The following PKIG variants were observed in gnomAD, a reference collection of about 807,000 sequenced individuals.
The protein encoded by PKIG is protein kinase (cAMP-dependent, catalytic) inhibitor gamma.
A neutral mutation model predicts 6.8 loss-of-function variants in PKIG; 1 was observed. The ratio of observed to expected loss-of-function variants is 0.15; its 90% CI spans 0.05 to 0.69. The LOEUF is 0.69. PKIG is among the 30% of genes least tolerant of loss of function. PKIG has a pLI of 0.82. For synonymous variants in PKIG, 39 were observed against 43.0 expected, an observed-to-expected ratio of 0.91 and a Z score of 0.36; for missense variants, 77 against 104.0, an observed-to-expected ratio of 0.74 and a Z score of 1.13.
chr20:44,562,846 G>A (rs2123252069), intron 1 of PKIG, among the ~76,000 whole-genome samples: 1 of 152,154 alleles, frequency 6.6e-6, no homozygotes, highest in East Asian at 1.9e-4. Flanking sequence ...ATCACCTAAG[G>A]TCAGAAGTTC....
At chr20:44,558,897 GCGTGCCA>G in intron 1 of PKIG, among the ~76,000 whole-genome samples, 1 of 152,014 alleles carries the variant, frequency 6.6e-6, no homozygotes, top group Admixed American at 6.6e-5. Context: ...GACTATAAAT[GCGTGCCA>G]CTGTGCCCAG....
At chr20:44,617,057 C>G (rs2065271611) in intron 3 of PKIG, among the ~76,000 whole-genome samples, 1 of 152,222 alleles carries the variant, frequency 6.6e-6, no homozygotes, top group Admixed American at 6.5e-5. Context: ...CCAGGCAAAT[C>G]AGCTCACCTC....
chr20:44,568,488 A>G (rs2064828503), intron 1 of PKIG, among the ~76,000 whole-genome samples: 1 of 150,646 alleles, frequency 6.6e-6, no homozygotes, highest in Non-Finnish European at 1.5e-5. Flanking sequence ...TTTTTTTGAG[A>G]CAAAGTCTTA....
chr20:44,550,052 G>A (rs2064653926), intron 1 of PKIG, among the ~76,000 whole-genome samples: 1 of 150,168 alleles, frequency 6.7e-6, no homozygotes, highest in Non-Finnish European at 1.5e-5. Flanking sequence ...TAGCACCTGA[G>A]GTATACCTTA....
chr20:44,546,835 T>C (rs2064619613), intron 1 of PKIG, among the ~76,000 whole-genome samples: 2 of 152,188 alleles, frequency 1.3e-5, no homozygotes, highest in African/African-American at 4.8e-5. Context: ...ATTACAGATA[T>C]GAGCCACTGC....
intron 1 of PKIG, among the ~76,000 whole-genome samples, chr20:44,588,136 T>A (rs1356255297): frequency 6.6e-6 from 1 of 152,232 alleles, no homozygotes; most frequent in Non-Finnish European, 1.5e-5. Context: ...GAGCCTTCAA[T>A]AAATTTTTCA....
chr20:44,544,400 C>T (rs572552589), intron 1 of PKIG, among the ~76,000 whole-genome samples: 4 of 152,174 alleles, frequency 2.6e-5, no homozygotes, highest in African/African-American at 7.2e-5. Flanking sequence ...TTAAAGAAGA[C>T]AGGTTATTTT....
intron 1 of PKIG, among the ~76,000 whole-genome samples, chr20:44,559,121 ATAAT>A (rs1368655577): frequency 6.6e-6 from 1 of 152,322 alleles, no homozygotes; most frequent in South Asian, 2.1e-4. Flanking sequence ...CTTTTAAAAA[ATAAT>A]TAAAGTTTTT....
At position 44,544,541 on chromosome 20, in the gene PKIG, A is replaced by G. The variant is rs187938840; in HGVS notation, c.-241+12563A>G. Among the ~76,000 whole-genome samples the G allele has an allele frequency of 1.1e-4, 17 of 152,276 alleles. No homozygotes were observed. In the East Asian group the frequency reaches 2.7e-3, roughly 24 times the overall value. On this transcript the variant is annotated intron_variant, in intron 1 of 4. Transcript: ENST00000372887. ...CTTATCACACAGCTTGCAGTCACCA[A>G]GTGGTCGCACGTGTTGGCTCTGGCT...
intron 2 of PKIG, chr20:44,598,635 C>G (rs1394015880): frequency 6.6e-6 from 1 of 152,248 alleles, no homozygotes; most frequent in Non-Finnish European, 1.5e-5. Context: ...GACTGCCACT[C>G]TCTGGGAACC....
chr20:44,563,114 A>T (rs988796088), intron 1 of PKIG, among the ~76,000 whole-genome samples: 7 of 152,220 alleles, frequency 4.6e-5, no homozygotes, highest in African/African-American at 1.7e-4. Flanking sequence ...CTACTAGCCC[A>T]TCACTAGGAG....
intron 1 of PKIG, among the ~76,000 whole-genome samples, chr20:44,536,825 T>G (rs2064516445): frequency 6.6e-6 from 1 of 152,250 alleles, no homozygotes; most frequent in South Asian, 2.1e-4. Flanking sequence ...TAATTTCCTT[T>G]TATTTGAGAT....
upstream of PKIG, among the ~76,000 whole-genome samples, chr20:44,582,085 C>T (rs1189112098): frequency 3.9e-5 from 6 of 152,240 alleles, 1 homozygote; most frequent in South Asian, 1.2e-3. Context: ...CATCACCTCC[C>T]CTACATGAAG....
chr20:44,582,140 G>A (rs77590060), upstream of PKIG, among the ~76,000 whole-genome samples: 137 of 152,276 alleles, frequency 9.0e-4, no homozygotes, highest in African/African-American at 3.2e-3. Flanking sequence ...GGAGACCTGG[G>A]AGAAATGAAA....
chr20:44,606,674 T>C (rs1350993673), intron 2 of PKIG, among the ~76,000 whole-genome samples: 5 of 152,190 alleles, frequency 3.3e-5, no homozygotes, highest in African/African-American at 4.8e-5. Context: ...CTGGGCGTGG[T>C]GGTGCACACC....
intron 1 of PKIG, among the ~76,000 whole-genome samples, chr20:44,573,182 TC>T (rs925752748): frequency 6.6e-6 from 1 of 152,122 alleles, no homozygotes; most frequent in African/African-American, 2.4e-5. Flanking sequence ...ATTTCAAGAG[TC>T]CCTTTGAGGA....
At chr20:44,595,220 C>T (rs1240718926) in intron 2 of PKIG, among the ~76,000 whole-genome samples, 5 of 152,198 alleles carry the variant, frequency 3.3e-5, no homozygotes, top group African/African-American at 4.8e-5. Context: ...TACACACACA[C>T]GCAGAGAATA....
intron 1 of PKIG, among the ~76,000 whole-genome samples, chr20:44,558,935 G>A (rs2064743639): frequency 6.6e-6 from 1 of 151,878 alleles, no homozygotes; most frequent in Admixed American, 6.6e-5. Flanking sequence ...TCCTTCTGCT[G>A]AAGTTATGCC....
chr20:44,569,103 ATT>A (rs2064833421), intron 1 of PKIG, among the ~76,000 whole-genome samples: 1 of 152,180 alleles, frequency 6.6e-6, no homozygotes, highest in Non-Finnish European at 1.5e-5. Context: ...TCCCCCCTAC[ATT>A]TTTAAGGATT....
Sources: allele counts gnomAD v4.1 joint callset (sites outside exome capture counted in the v4.1 genomes callset), GRCh38; gene constraint gnomAD v4.1.1; transcripts MANE v1.5; gene names NCBI Gene and HGNC (gene_info 2026-07-23, HGNC 2026-07-21).